The following ACP6 variants were observed in gnomAD, a reference collection of about 807,000 sequenced individuals.
The protein encoded by ACP6 is acid phosphatase 6, lysophosphatidic, also known as lysophosphatidic acid phosphatase type 6.
Under a neutral mutation model 48.1 loss-of-function variants are expected in ACP6, and 48 were observed. That is an observed-to-expected ratio of 1.00 (90% CI 0.79 to 1.27). The LOEUF (loss-of-function observed/expected upper bound fraction) is 1.27, where lower values mean the gene tolerates loss of function less well. Ranked by LOEUF, ACP6 falls within the 50% of genes most tolerant of loss-of-function variation. The pLI is 0.00. For synonymous variants in ACP6, 172 were observed against 204.2 expected, an observed-to-expected ratio of 0.84 and a Z score of 1.34; for missense variants, 485 against 529.1, an observed-to-expected ratio of 0.92 and a Z score of 0.82.
intron 3 of ACP6, 42 bp from the exon 4 acceptor site, chr1:147,659,081 T>C (rs782107178): frequency 2.0e-6 from 3 of 1,538,142 alleles, no homozygotes; most frequent in Admixed American, 3.5e-5. Flanking sequence ...AAAAGGAATA[T>C]TTAATTATAT....
downstream of ACP6, among the ~76,000 whole-genome samples, chr1:147,641,193 G>T (rs1193806580): frequency 1.4e-5 from 2 of 146,762 alleles, no homozygotes; most frequent in African/African-American, 4.9e-5. Flanking sequence ...CACTGACAAA[G>T]ACCTGAGTTT....
chr1:147,636,352 GA>G (rs1467828706), intron 5 of ACP6, among the ~76,000 whole-genome samples: 2 of 152,226 alleles, frequency 1.3e-5, no homozygotes, highest in African/African-American at 4.8e-5. Flanking sequence ...GGACACAAAA[GA>G]AGTCCTGCCA....
Position 147,652,598 on chromosome 1 carries a change from A to C in ACP6, c.781-49T>G. The stretch of plus-strand genomic sequence containing the variant: ...AGAAAAAAATGCTTCTTACCTACTG[A>C]TTCTGGCAGCTGATCAGCTTCCATG... On this transcript the variant is annotated intron_variant, in intron 6 of 9. Coordinates refer to ENST00000583509, the MANE Select transcript of ACP6 (RefSeq NM_016361.5). 2 of 1,612,868 alleles carry C rather than the reference A, an allele frequency of 1.2e-6. 1 individual carries two copies. The highest frequency in any genetic ancestry group is 4.5e-5 in the East Asian group (2 of 44,858).
intron 1 of ACP6, among the ~76,000 whole-genome samples, chr1:147,666,369 C>T (rs768041366): frequency 1.1e-4 from 17 of 152,182 alleles, no homozygotes; most frequent in Non-Finnish European, 2.4e-4. Flanking sequence ...AGAAAGATAA[C>T]CTCTTACCAA....
At chr1:147,660,040 C>G (rs1308670892) in intron 1 of ACP6, among the ~76,000 whole-genome samples, 1 of 152,122 alleles carries the variant, frequency 6.6e-6, no homozygotes, top group Non-Finnish European at 1.5e-5. Context: ...TTAGCCCACA[C>G]TGAAGTAAAG....
At chr1:147,638,199 TAAAAAC>T (rs1336693083), downstream of ACP6, among the ~76,000 whole-genome samples, 1 of 152,226 alleles carries the variant, frequency 6.6e-6, no homozygotes, top group African/African-American at 2.4e-5. Flanking sequence ...AATAAACACT[TAAAAAC>T]AAATAATCGC....
downstream of ACP6, among the ~76,000 whole-genome samples, chr1:147,638,079 T>TA (rs1659344563): frequency 1.3e-5 from 2 of 152,222 alleles, no homozygotes; most frequent in Admixed American, 6.5e-5. Flanking sequence ...ATTGAGTCCC[T>TA]ACTACATGCC....
chr1:147,669,815 G>A lies in ACP6; in HGVS notation c.219+15C>T, dbSNP rs782620720. The stretch of plus-strand genomic sequence containing the variant: ...GTCCTCGCCCCACCAGCCCCAGCCC[G>A]GGCCGACCTCTCACCTGCTCCTCCA... On this transcript the variant is annotated intron_variant, in intron 1 of 9. Coordinates refer to ENST00000583509, the MANE Select transcript of ACP6 (RefSeq NM_016361.5). 1 of 1,557,072 alleles carries A rather than the reference G, an allele frequency of 6.4e-7. No individual in the cohort carries two copies. Among genetic ancestry groups the A allele is most frequent in the South Asian group, 1.2e-5 (1 of 85,866 alleles).
At chr1:147,648,502 C>G (rs1659750083) in intron 8 of ACP6, 91 bp from the exon 9 acceptor site, 1 of 1,451,350 alleles carries the variant, frequency 6.9e-7, no homozygotes, top group Non-Finnish European at 9.4e-7. Flanking sequence ...ACACACTTGC[C>G]TCAGAAACTA....
Position 147,666,696 on chromosome 1 carries a change from CAATTA to C in ACP6, c.219+3129_219+3133del, listed in dbSNP as rs587628156. On this transcript the variant is annotated intron_variant, in intron 1 of 9. Coordinates refer to ENST00000583509, the MANE Select transcript of ACP6 (RefSeq NM_016361.5). The stretch of plus-strand genomic sequence containing the variant: ...TTTACATTATCTGGATACCCCGGAC[CAATTA>C]AATTAGAATCCTTCGGAGGGAGACC... 1.3e-4 allele frequency among the ~76,000 whole-genome samples: 20 copies of C among 152,214 alleles called. No individual in the cohort carries two copies. The East Asian group carries it at 3.9e-3, about 29-fold the overall frequency.
chr1:147,645,829 G>T lies in ACP6; in HGVS notation c.*1594C>A, dbSNP rs1223174470. Reference sequence around the variant, plus strand: ...AAGATGCAGAGAAAAAAGTTTAAGAGATTTTACAGCATATTTGTATTGCTA... The same window carrying T: ...AAGATGCAGAGAAAAAAGTTTAAGATATTTTACAGCATATTTGTATTGCTA... On this transcript the variant is annotated 3_prime_UTR_variant, in exon 10 of 10. Coordinates refer to ENST00000583509, the MANE Select transcript of ACP6 (RefSeq NM_016361.5). 1 of 152,162 alleles carries T rather than the reference G, an allele frequency of 6.6e-6. No homozygotes were observed. The allele number at this position is 152,162 out of a possible 1,614,324, so 9.4% of individuals were successfully genotyped here.
intron 5 of ACP6, among the ~76,000 whole-genome samples, chr1:147,632,448 G>C (rs868914978): frequency 2.0e-5 from 3 of 152,060 alleles, no homozygotes; most frequent in African/African-American, 7.2e-5. Context: ...TTTCATGCTG[G>C]TTGTGGTACA....
downstream of ACP6, among the ~76,000 whole-genome samples, chr1:147,641,927 C>T (rs1287739018): frequency 4.3e-4 from 65 of 152,128 alleles, no homozygotes; most frequent in Admixed American, 4.3e-3. Context: ...AAACCTACCA[C>T]AGTTAAGAAT....
At chr1:147,669,591 C>A (rs868959841) in intron 1 of ACP6, among the ~76,000 whole-genome samples, 3 of 152,252 alleles carry the variant, frequency 2.0e-5, no homozygotes, top group African/African-American at 7.2e-5. Context: ...TCTTAAGCAG[C>A]GCTTACTGAT....
chr1:147,630,467 G>A (rs1659136538), exon 6 of ACP6: 1 of 152,176 alleles, frequency 6.6e-6, no homozygotes, highest in South Asian at 2.1e-4. Context: ...GACCCCAGGA[G>A]CTCATGTTTG....
At chr1:147,639,720 T>A (rs1339863683), downstream of ACP6, among the ~76,000 whole-genome samples, 1 of 152,152 alleles carries the variant, frequency 6.6e-6, no homozygotes, top group Non-Finnish European at 1.5e-5. Flanking sequence ...TCCTTCCAAA[T>A]TAATTCTCTG....
chr1:147,652,791 A>C (rs1570958341), intron 6 of ACP6: 2 of 696,822 alleles, frequency 2.9e-6, no homozygotes, highest in East Asian at 2.7e-5. Flanking sequence ...CTTTCTGATG[A>C]CTCCCCATCC....
intron 1 of ACP6, 70 bp from the exon 2 acceptor site, chr1:147,659,845 A>G (rs1208774266): frequency 1.3e-6 from 2 of 1,550,310 alleles, no homozygotes; most frequent in African/African-American, 1.4e-5. Flanking sequence ...TTAACATCTC[A>G]AGCACTCAGA....
At chr1:147,636,154 G>C (rs1012157970) in intron 5 of ACP6, among the ~76,000 whole-genome samples, 2 of 152,200 alleles carry the variant, frequency 1.3e-5, no homozygotes, top group Admixed American at 1.3e-4. Flanking sequence ...GCATGTGGGG[G>C]AAAGGGTGTA....
Sources: allele counts gnomAD v4.1 joint callset (sites outside exome capture counted in the v4.1 genomes callset), GRCh38; gene constraint gnomAD v4.1.1; transcripts MANE v1.5; gene names NCBI Gene and HGNC (gene_info 2026-07-23, HGNC 2026-07-21).